The following GRID2 variants were observed in gnomAD, a reference collection of about 807,000 sequenced individuals.
GRID2 encodes the protein glutamate ionotropic receptor delta type subunit 2.
GRID2 carries 33 observed loss-of-function variants against 114.8 expected under a neutral mutation model. That is an observed-to-expected ratio of 0.29 (90% confidence interval 0.22 to 0.38). The LOEUF (loss-of-function observed/expected upper bound fraction) is 0.38. Among genes scored for constraint, GRID2 ranks in the 10% least tolerant of loss-of-function variants. The pLI, the probability that GRID2 is intolerant of heterozygous loss-of-function variation, is 1.00. For synonymous variants in GRID2, 505 were observed against 449.9 expected, an observed-to-expected ratio of 1.12 and a Z score of -1.55; for missense variants, 1,184 against 1,257.7, an observed-to-expected ratio of 0.94 and a Z score of 0.89.
At chr4:92,386,592 G>T (rs1729971888) in intron 1 of GRID2, among the ~76,000 whole-genome samples, 1 of 151,604 alleles carries the variant, frequency 6.6e-6, no homozygotes, top group Non-Finnish European at 1.5e-5. Flanking sequence ...CAAAAAATAT[G>T]AAAAAGCAGA....
chr4:93,338,993 G>A (rs983318764), intron 8 of GRID2, among the ~76,000 whole-genome samples: 11 of 152,154 alleles, frequency 7.2e-5, no homozygotes. Flanking sequence ...TGCTTTAGAG[G>A]AAGCTAGCTA....
chr4:93,607,253 CAT>C (rs1405567672), intron 13 of GRID2, among the ~76,000 whole-genome samples: 6 of 152,078 alleles, frequency 3.9e-5, no homozygotes, highest in Admixed American at 3.9e-4. Flanking sequence ...CACATATACT[CAT>C]GTATTTATAT....
intron 2 of GRID2, among the ~76,000 whole-genome samples, chr4:92,977,211 G>T (rs1433044685): frequency 6.6e-6 from 1 of 152,118 alleles, no homozygotes; most frequent in Non-Finnish European, 1.5e-5. Context: ...TAAAAAGTGC[G>T]ATTAACAGGA....
chr4:92,974,317 C>A (rs376622934), intron 2 of GRID2, among the ~76,000 whole-genome samples: 6 of 152,180 alleles, frequency 3.9e-5, no homozygotes, highest in African/African-American at 1.4e-4. Flanking sequence ...TACCATTTGA[C>A]CCAGCAATCC....
In GRID2 at chr4:93,680,135, G is replaced by T. The variant is rs1250652662; in HGVS notation, c.2360+53700G>T. Among the ~76,000 whole-genome samples the T allele has an allele frequency of 2.1e-5, 3 of 144,584 alleles. 1 individual carries two copies. The highest frequency in any genetic ancestry group is 3.1e-5 in the Non-Finnish European group (2 of 65,544). The allele number at this position is 144,584 out of a possible 152,430, so 94.9% of individuals were successfully genotyped here. A position where few individuals can be genotyped will look rare whatever the true frequency, so the allele number is the denominator to read the frequency against. On this transcript the variant is annotated intron_variant, in intron 14 of 15. Coordinates refer to ENST00000282020, the MANE Select transcript of GRID2 (RefSeq NM_001510.4). ...CACAGGAATACAAACTACCATCAGAGAATACTATAAACACCTCTACACGAA... is the reference window on the plus strand; with the variant it reads ...CACAGGAATACAAACTACCATCAGATAATACTATAAACACCTCTACACGAA...
chr4:92,712,769 T>A (rs1021070255), intron 2 of GRID2, among the ~76,000 whole-genome samples: 1 of 152,134 alleles, frequency 6.6e-6, no homozygotes, highest in African/African-American at 2.4e-5. Flanking sequence ...AATATTTCTG[T>A]GTTACACATT....
At chr4:93,052,393 G>A (rs1289230191) in intron 2 of GRID2, among the ~76,000 whole-genome samples, 1 of 151,848 alleles carries the variant, frequency 6.6e-6, no homozygotes, top group African/African-American at 2.4e-5. Flanking sequence ...TGATTTTGTA[G>A]TTGTAGGAAC....
At chr4:92,627,148 AG>A (rs1730561894) in intron 2 of GRID2, among the ~76,000 whole-genome samples, 1 of 152,092 alleles carries the variant, frequency 6.6e-6, no homozygotes, top group South Asian at 2.1e-4. Flanking sequence ...ACAGGTTATA[AG>A]ACATGAGAGA....
intron 2 of GRID2, among the ~76,000 whole-genome samples, chr4:92,612,759 T>C (rs533135610): frequency 6.6e-6 from 1 of 151,598 alleles, no homozygotes; most frequent in East Asian, 1.9e-4. Flanking sequence ...GAATAAACTC[T>C]ATTTTTTGTA....
At chr4:93,507,272 T>A (rs1728726749) in intron 12 of GRID2, among the ~76,000 whole-genome samples, 1 of 152,190 alleles carries the variant, frequency 6.6e-6, no homozygotes, top group Non-Finnish European at 1.5e-5. Flanking sequence ...GAGTCTGAGG[T>A]AGTTAAGAAA....
chr4:92,869,244 A>C (rs932183264), intron 2 of GRID2, among the ~76,000 whole-genome samples: 1 of 152,224 alleles, frequency 6.6e-6, no homozygotes, highest in Non-Finnish European at 1.5e-5. Flanking sequence ...ATTTATAGCA[A>C]TATAACGAGT....
intron 2 of GRID2, among the ~76,000 whole-genome samples, chr4:92,622,075 G>C (rs1050091765): frequency 6.6e-6 from 1 of 151,652 alleles, no homozygotes; most frequent in Non-Finnish European, 1.5e-5. Flanking sequence ...AGTAATAATT[G>C]AGGCAATGTG....
At chr4:92,919,490 G>C (rs772770745) in intron 2 of GRID2, among the ~76,000 whole-genome samples, 1 of 152,144 alleles carries the variant, frequency 6.6e-6, no homozygotes, top group South Asian at 2.1e-4. Flanking sequence ...TGGGCATTTA[G>C]TGCTATAAGT....
At chr4:93,121,565 G>GATTT (rs1336864483) in intron 4 of GRID2, among the ~76,000 whole-genome samples, 1 of 152,096 alleles carries the variant, frequency 6.6e-6, no homozygotes, top group Non-Finnish European at 1.5e-5. Flanking sequence ...TTCTGTTGAT[G>GATTT]ATTTTTTTAC....
chr4:92,809,918 GACCTGAC>G (rs746796244), intron 2 of GRID2, among the ~76,000 whole-genome samples: 6 of 151,918 alleles, frequency 3.9e-5, no homozygotes, highest in Non-Finnish European at 7.4e-5. Flanking sequence ...GTTAATGTCT[GACCTGAC>G]ACCTTGTAGA....
chr4:93,173,051 A>G (rs1249339227), intron 4 of GRID2, among the ~76,000 whole-genome samples: 1 of 152,004 alleles, frequency 6.6e-6, no homozygotes, highest in African/African-American at 2.4e-5. Context: ...TTCACTTTTT[A>G]TTTCATTGGC....
chr4:93,808,807 C>T (rs748664130), exon 2 of GRID2: 1 of 152,096 alleles, frequency 6.6e-6, no homozygotes, highest in African/African-American at 2.4e-5. Flanking sequence ...TTTCTGGCTG[C>T]CAGGGGAGTC....
intron 14 of GRID2, among the ~76,000 whole-genome samples, chr4:93,701,099 C>T (rs947078011): frequency 6.6e-6 from 1 of 151,996 alleles, no homozygotes; most frequent in Non-Finnish European, 1.5e-5. Context: ...CTTTGTTCAG[C>T]CCATGCATGC....
intron 1 of GRID2, among the ~76,000 whole-genome samples, chr4:92,494,852 T>G (rs1723313653): frequency 6.6e-6 from 1 of 152,052 alleles, no homozygotes; most frequent in Admixed American, 6.6e-5. Context: ...TTTGCCATTT[T>G]TAATAAAATA....
Sources: gnomAD v4.1 joint callset for allele counts (sites outside exome capture counted in the v4.1 genomes callset) on GRCh38, gnomAD v4.1.1 for gene constraint, MANE v1.5 for transcripts, NCBI Gene and HGNC (gene_info 2026-07-23, HGNC 2026-07-21) for gene names.